The following RBFOX1 variants were observed in gnomAD, a reference collection of about 807,000 sequenced individuals.
The protein encoded by RBFOX1 is RNA binding protein fox-1 homolog 1.
In RBFOX1, 8 loss-of-function variants were observed where a neutral mutation model predicts 57.7. That is an observed-to-expected ratio of 0.14 (90% CI 0.08 to 0.25). The LOEUF (loss-of-function observed/expected upper bound fraction) is 0.25, where lower values mean the gene tolerates loss of function less well. Among genes scored for constraint, RBFOX1 ranks in the 10% least tolerant of loss-of-function variants. The pLI, the probability that RBFOX1 is intolerant of heterozygous loss-of-function variation, is 1.00. For synonymous variants in RBFOX1, 326 were observed against 222.4 expected (o/e 1.47, Z -4.15); for missense variants, 611 against 548.5 (o/e 1.11, Z -1.14).
Position 5,954,566 on chromosome 16 carries a change from C to T in RBFOX1, c.351+87231C>T, listed in dbSNP as rs188810960. On this transcript the variant is annotated intron_variant, in intron 4 of 19. Coordinates refer to the RBFOX1 transcript ENST00000641259. ...CTTAATTAAAGTGGTTTATGACCTT[C>T]AAAGGGGGCAGGCCAGAAAGGGCAT... Among the ~76,000 whole-genome samples, 133 of 152,228 alleles carry T rather than the reference C, an allele frequency of 8.7e-4. No individual in the cohort carries two copies. The East Asian group carries it at 0.024, about 27-fold the overall frequency.
chr16:6,719,116 C>T (rs771609746), intron 3 of RBFOX1, among the ~76,000 whole-genome samples: 1 of 152,120 alleles, frequency 6.6e-6, no homozygotes, highest in East Asian at 1.9e-4. Context: ...ATTTACTTGC[C>T]TTGATCTCCC....
chr16:5,726,437 A>T lies in RBFOX1; in HGVS notation c.318+127476A>T, dbSNP rs575699571. On this transcript the variant is annotated intron_variant, in intron 3 of 19. Transcript: ENST00000641259. ...CTAGACAACAACCCCTCCATTGCCA[A>T]GGTCGCCACCAGCAAGCCAGGACCT... is the stretch of plus-strand genomic sequence containing the variant. Among the ~76,000 whole-genome samples the T allele has an allele frequency of 5.3e-5, 8 of 152,294 alleles. No homozygotes were observed. The South Asian group carries it at 1.7e-3, about 32-fold the overall frequency.
At chr16:7,631,448 G>T (rs909782223) in intron 11 of RBFOX1, among the ~76,000 whole-genome samples, 3 of 152,132 alleles carry the variant, frequency 2.0e-5, no homozygotes, top group African/African-American at 7.2e-5. Flanking sequence ...GCAGGTAGAA[G>T]AATTAAAGCC....
chr16:6,979,708 T>G (rs2088142063), intron 3 of RBFOX1, among the ~76,000 whole-genome samples: 1 of 152,200 alleles, frequency 6.6e-6, no homozygotes, highest in Non-Finnish European at 1.5e-5. Context: ...TTATTATGCT[T>G]ATAAATTTGA....
chr16:5,603,507 G>T (rs542859214), downstream of RBFOX1, among the ~76,000 whole-genome samples: 6 of 152,296 alleles, frequency 3.9e-5, no homozygotes, highest in African/African-American at 1.2e-4. Context: ...CTGGGAACCT[G>T]TGTCTTAGAT....
chr16:5,369,628 A>G (rs532513056), intron 1 of RBFOX1, among the ~76,000 whole-genome samples: 5 of 152,230 alleles, frequency 3.3e-5, no homozygotes, highest in African/African-American at 7.2e-5. Flanking sequence ...CTCCTCTGCT[A>G]TGCTGGGCAA....
intron 3 of RBFOX1, among the ~76,000 whole-genome samples, chr16:6,862,643 G>C (rs561625603): frequency 7.9e-5 from 12 of 152,172 alleles, no homozygotes; most frequent in Non-Finnish European, 1.3e-4. Flanking sequence ...AATGGAAAAT[G>C]AAAGTGGTTT....
intron 4 of RBFOX1, among the ~76,000 whole-genome samples, chr16:7,424,573 T>G (rs1298321336): frequency 9.2e-5 from 14 of 152,202 alleles, no homozygotes; most frequent in Admixed American, 9.2e-4. Context: ...CGCTTGAATA[T>G]GTTTTATTAA....
chr16:6,492,560 C>G (rs1282675565), intron 2 of RBFOX1, among the ~76,000 whole-genome samples: 2 of 151,896 alleles, frequency 1.3e-5, no homozygotes, highest in Admixed American at 1.3e-4. Flanking sequence ...CAGAGTGAGA[C>G]TCCATCTCAA....
intron 2 of RBFOX1, among the ~76,000 whole-genome samples, chr16:5,572,922 G>A (rs747847382): frequency 3.3e-5 from 5 of 152,138 alleles, no homozygotes; most frequent in Non-Finnish European, 5.9e-5. Flanking sequence ...GGGGACAGAA[G>A]GCATTTTCTC....
At chr16:5,353,007 A>G (rs1193886562) in intron 1 of RBFOX1, among the ~76,000 whole-genome samples, 1 of 152,188 alleles carries the variant, frequency 6.6e-6, no homozygotes. Flanking sequence ...TTCTGATACT[A>G]TTCTTTATGG....
At chr16:7,019,333 A>C (rs1215066370) in intron 3 of RBFOX1, among the ~76,000 whole-genome samples, 2 of 152,166 alleles carry the variant, frequency 1.3e-5, no homozygotes, top group African/African-American at 4.8e-5. Flanking sequence ...TTTCATATAA[A>C]ATGAATTCTT....
intron 4 of RBFOX1, among the ~76,000 whole-genome samples, chr16:7,472,666 G>C (rs890567099): frequency 7.2e-5 from 11 of 152,134 alleles, no homozygotes; most frequent in Admixed American, 7.2e-4. Context: ...TTAATCCAGA[G>C]GCAGTCAATT....
chr16:6,312,660 CCTT>C (rs2080488970), intron 1 of RBFOX1, among the ~76,000 whole-genome samples: 2 of 14,036 alleles, frequency 1.4e-4, no homozygotes, highest in Non-Finnish European at 3.8e-4. Flanking sequence ...TTCTTTCCTT[CCTT>C]CCTTCCTTCC....
intron 3 of RBFOX1, among the ~76,000 whole-genome samples, chr16:6,730,487 GTCTAA>G (rs2068283545): frequency 1.3e-5 from 2 of 151,938 alleles, no homozygotes; most frequent in Admixed American, 6.6e-5. Context: ...TTACCTAACT[GTCTAA>G]TCTATCTATC....
At chr16:6,450,438 A>G (rs1191980370) in intron 2 of RBFOX1, among the ~76,000 whole-genome samples, 1 of 151,694 alleles carries the variant, frequency 6.6e-6, no homozygotes, top group African/African-American at 2.4e-5. Context: ...GTTTATTTTC[A>G]CAATATAGGT....
chr16:5,839,895 G>C (rs1370490322), intron 3 of RBFOX1, among the ~76,000 whole-genome samples: 1 of 152,140 alleles, frequency 6.6e-6, no homozygotes, highest in Non-Finnish European at 1.5e-5. Context: ...AGTCTCGTTG[G>C]TAACCCCTAT....
At position 7,403,487 on chromosome 16, in the gene RBFOX1, T is replaced by C. The variant is rs192265307; in HGVS notation, c.28-114660T>C. Among the ~76,000 whole-genome samples the C allele has an allele frequency of 3.9e-5, 6 of 152,218 alleles. No homozygotes were observed. The East Asian group carries it at 1.2e-3, about 29-fold the overall frequency. The stretch of plus-strand genomic sequence containing the variant: ...CATGTAAGTGAGATCTTACAGCGTT[T>C]GTCTTTCTGTGTCTGGTTTATTTTC... On this transcript the variant is annotated intron_variant, in intron 4 of 15. Transcript: ENST00000550418.
chr16:7,431,133 A>C (rs992029377), intron 4 of RBFOX1: 1 of 152,204 alleles, frequency 6.6e-6, no homozygotes, highest in African/African-American at 2.4e-5. Context: ...ACTGTGTGCC[A>C]TGCACTGTGC....
Sources: gnomAD v4.1 joint callset for allele counts (sites outside exome capture counted in the v4.1 genomes callset) on GRCh38, gnomAD v4.1.1 for gene constraint, MANE v1.5 for transcripts, NCBI Gene and HGNC (gene_info 2026-07-23, HGNC 2026-07-21) for gene names.